SLC25A21: variants seen among roughly 807,000 people sequenced by gnomAD.
SLC25A21 encodes solute carrier family 25 member 21, also known as mitochondrial 2-oxodicarboxylate carrier.
SLC25A21 carries 47 observed loss-of-function variants against 43.8 expected under a neutral mutation model. That is an observed-to-expected ratio of 1.07 (90% CI 0.85 to 1.37). SLC25A21 has a LOEUF of 1.37. SLC25A21 is among the 40% of genes most tolerant of loss of function. The pLI is 0.00. For missense variants in SLC25A21, 352 were observed against 350.2 expected, an observed-to-expected ratio of 1.00 and a Z score of -0.04; for synonymous variants, 131 against 121.3, an observed-to-expected ratio of 1.08 and a Z score of -0.52.
At chr14:37,104,332 C>T (rs1962873349) in intron 1 of SLC25A21, among the ~76,000 whole-genome samples, 1 of 152,114 alleles carries the variant, frequency 6.6e-6, no homozygotes, top group African/African-American at 2.4e-5. Flanking sequence ...CCTGCTGGCA[C>T]CTTGATCTCG....
At chr14:37,150,391 CAAATAA>C (rs1220746508) in intron 1 of SLC25A21, among the ~76,000 whole-genome samples, 1 of 152,072 alleles carries the variant, frequency 6.6e-6, no homozygotes, top group Non-Finnish European at 1.5e-5. Flanking sequence ...AAATATTATA[CAAATAA>C]AAACAGTTTC....
At chr14:36,907,141 A>T (rs543267963) in intron 1 of SLC25A21, among the ~76,000 whole-genome samples, 1 of 152,314 alleles carries the variant, frequency 6.6e-6, no homozygotes, top group East Asian at 1.9e-4. Flanking sequence ...GCTATGGAGG[A>T]CACCAAAATC....
intron 1 of SLC25A21, among the ~76,000 whole-genome samples, chr14:36,925,649 C>G (rs1255554027): frequency 6.6e-6 from 1 of 152,064 alleles, no homozygotes; most frequent in Non-Finnish European, 1.5e-5. Flanking sequence ...GAGTTCAAGA[C>G]CAACCTAGCC....
intron 1 of SLC25A21, among the ~76,000 whole-genome samples, chr14:37,168,380 G>A (rs1964067265): frequency 6.6e-6 from 1 of 152,134 alleles, no homozygotes; most frequent in Admixed American, 6.5e-5. Flanking sequence ...CCAGGCTACT[G>A]TCAGTGCATC....
intron 1 of SLC25A21, among the ~76,000 whole-genome samples, chr14:37,062,387 C>A (rs1961965856): frequency 6.6e-6 from 1 of 152,138 alleles, no homozygotes; most frequent in Non-Finnish European, 1.5e-5. Flanking sequence ...GATTGTAATT[C>A]TAGCTGTGCC....
At chr14:36,725,520 TAAATAAA>T in intron 6 of SLC25A21, 43 bp downstream of exon 6, 18 of 703,008 alleles carry the variant, frequency 2.6e-5, no homozygotes, top group South Asian at 3.9e-5. Flanking sequence ...AATAAATAAA[TAAATAAA>T]TTTTTACATG....
intron 3 of SLC25A21, among the ~76,000 whole-genome samples, chr14:36,784,803 C>A (rs17105306): frequency 6.6e-6 from 1 of 152,190 alleles, no homozygotes; most frequent in Admixed American, 6.5e-5. Context: ...TGCTATCTTA[C>A]TCCATGAGTC....
At chr14:36,735,930 ATTTTTTTTTT>A (rs776933723) in intron 3 of SLC25A21, among the ~76,000 whole-genome samples, 2 of 84,300 alleles carry the variant, frequency 2.4e-5, no homozygotes, top group Non-Finnish European at 4.2e-5. Context: ...TCTGGCCACA[ATTTTTTTTTT>A]TTTTTTTTTT....
intron 1 of SLC25A21, among the ~76,000 whole-genome samples, chr14:36,930,547 G>A (rs962375590): frequency 2.0e-5 from 3 of 151,928 alleles, no homozygotes; most frequent in African/African-American, 4.8e-5. Context: ...GTAACTTCTT[G>A]TTTTGATTAC....
chr14:36,746,862 C>T (rs574510423), intron 3 of SLC25A21, among the ~76,000 whole-genome samples: 10 of 152,244 alleles, frequency 6.6e-5, no homozygotes, highest in African/African-American at 2.2e-4. Flanking sequence ...TAATTTTCTC[C>T]AAGGACCTTT....
intron 6 of SLC25A21, 73 bp downstream of exon 6, chr14:36,725,497 A>G (rs955186724): frequency 2.2e-6 from 1 of 446,178 alleles, no homozygotes; most frequent in Non-Finnish European, 3.4e-6. Flanking sequence ...ATAAATAAAT[A>G]AATAAATAAA....
At chr14:36,823,970 T>C (rs1011668247) in intron 2 of SLC25A21, among the ~76,000 whole-genome samples, 1 of 152,188 alleles carries the variant, frequency 6.6e-6, no homozygotes, top group African/African-American at 2.4e-5. Flanking sequence ...AATTTGAATG[T>C]AGTTAAATCT....
chr14:37,162,038 G>A (rs1348362922), intron 1 of SLC25A21, among the ~76,000 whole-genome samples: 1 of 150,448 alleles, frequency 6.6e-6, no homozygotes, highest in Non-Finnish European at 1.5e-5. Flanking sequence ...ACCAAGTAAT[G>A]AGGGAGGCAG....
At position 37,070,608 on chromosome 14, in the gene SLC25A21, G is replaced by T. The variant is rs548506486; in HGVS notation, c.70+101673C>A. The stretch of plus-strand genomic sequence containing the variant: ...AACTTAAGCTAATTATTATTCTTTT[G>T]TTCATGTTAGTTAACTTTCTCTGTA... On this transcript the variant is annotated intron_variant, in intron 1 of 9. Coordinates refer to ENST00000331299, the MANE Select transcript of SLC25A21 (RefSeq NM_030631.4). 3.0e-4 allele frequency among the ~76,000 whole-genome samples: 45 copies of T among 152,036 alleles called. 1 individual carries two copies. In the South Asian group the frequency reaches 8.3e-3, roughly 28 times the overall value.
chr14:36,820,120 T>A (rs1888577957), intron 2 of SLC25A21, among the ~76,000 whole-genome samples: 1 of 152,072 alleles, frequency 6.6e-6, no homozygotes, highest in Non-Finnish European at 1.5e-5. Flanking sequence ...CTGCCACCAA[T>A]CCCTAAGCAA....
intron 7 of SLC25A21, among the ~76,000 whole-genome samples, chr14:36,707,477 C>T (rs1883626064): frequency 2.0e-5 from 3 of 152,046 alleles, no homozygotes; most frequent in African/African-American, 7.3e-5. Context: ...TTCCTCCCAG[C>T]CCCCAACCTA....
intron 1 of SLC25A21, among the ~76,000 whole-genome samples, chr14:36,984,000 GA>G (rs995548179): frequency 1.3e-5 from 2 of 152,096 alleles, no homozygotes; most frequent in African/African-American, 4.8e-5. Context: ...AGGGTGAAGG[GA>G]GTGAGGTTGA....
chr14:36,686,309 T>C (rs1882541944), intron 7 of SLC25A21, among the ~76,000 whole-genome samples: 5 of 152,182 alleles, frequency 3.3e-5, no homozygotes. Flanking sequence ...AATGCAGTGA[T>C]TGCAGTATGA....
At chr14:37,130,433 T>C (rs1165582061) in intron 1 of SLC25A21, among the ~76,000 whole-genome samples, 1 of 152,208 alleles carries the variant, frequency 6.6e-6, no homozygotes, top group Non-Finnish European at 1.5e-5. Context: ...CTGCGAGACA[T>C]GCTTGTTCTG....
Sources: gnomAD v4.1 joint callset for allele counts (sites outside exome capture counted in the v4.1 genomes callset) on GRCh38, gnomAD v4.1.1 for gene constraint, MANE v1.5 for transcripts, NCBI Gene and HGNC (gene_info 2026-07-23, HGNC 2026-07-21) for gene names.